Variants in ANKRD11 observed in about 807,000 individuals in gnomAD.
ANKRD11 encodes the protein ankyrin repeat domain 11.
In ANKRD11, 17 loss-of-function variants were observed where a neutral mutation model predicts 195.7. The observed-to-expected ratio is 0.09, with a 90% confidence interval of 0.06 to 0.13. The LOEUF is 0.13. Ranked by LOEUF, ANKRD11 falls within the 10% of genes least tolerant of loss-of-function variation. The pLI is 1.00. For synonymous variants in ANKRD11, 1,953 were observed against 1,528.1 expected, an observed-to-expected ratio of 1.28 and a Z score of -6.49; for missense variants, 3,735 against 3,566.1, an observed-to-expected ratio of 1.05 and a Z score of -1.21.
At chr16:89,361,018 C>A (rs2039706347) in intron 2 of ANKRD11, among the ~76,000 whole-genome samples, 1 of 152,192 alleles carries the variant, frequency 6.6e-6, no homozygotes, top group Admixed American at 6.5e-5. Flanking sequence ...ACACAGTGAA[C>A]GACTCCAAAC....
intron 7 of ANKRD11, chr16:89,287,300 G>A: frequency 5.6e-6 from 2 of 355,754 alleles, no homozygotes; most frequent in South Asian, 2.2e-5. Flanking sequence ...AGCTTTAAGG[G>A]CCCATGGGGC....
intron 1 of ANKRD11, among the ~76,000 whole-genome samples, chr16:89,487,022 A>AG (rs397937176): frequency 7.2e-5 from 11 of 151,912 alleles, no homozygotes; most frequent in Admixed American, 2.0e-4. Flanking sequence ...AAAAAAAAAA[A>AG]GAAAAAAACA....
chr16:89,319,846 T>G (rs149439717), intron 2 of ANKRD11: 1 of 152,414 alleles, frequency 6.6e-6, no homozygotes, highest in African/African-American at 2.4e-5. Context: ...GAGGCTCCAG[T>G]TGCTTTTGTT....
At chr16:89,384,813 C>T (rs2040824495) in intron 2 of ANKRD11, among the ~76,000 whole-genome samples, 2 of 150,384 alleles carry the variant, frequency 1.3e-5, no homozygotes, top group Admixed American at 6.7e-5. Context: ...ACAACAGAAC[C>T]GCTGCAGGTG....
chr16:89,301,166 G>A (rs2035831842), intron 4 of ANKRD11, among the ~76,000 whole-genome samples: 1 of 152,194 alleles, frequency 6.6e-6, no homozygotes, highest in Admixed American at 6.5e-5. Flanking sequence ...GAGGGCAGTG[G>A]CGCAATCACG....
intron 1 of ANKRD11, among the ~76,000 whole-genome samples, chr16:89,473,179 CA>C (rs5818721): frequency 4.6e-4 from 65 of 142,432 alleles, no homozygotes; most frequent in Admixed American, 4.9e-4. Flanking sequence ...GACCCTGCCT[CA>C]AAAAAAAAAA....
At chr16:89,269,646 C>G (rs1459007347) in intron 12 of ANKRD11, among the ~76,000 whole-genome samples, 1 of 150,854 alleles carries the variant, frequency 6.6e-6, no homozygotes, top group Non-Finnish European at 1.5e-5. Context: ...ATTTTGTCCC[C>G]AGGCTGGAGT....
At chr16:89,328,952 C>G (rs535488499) in intron 2 of ANKRD11, 1 of 137,496 alleles carries the variant, frequency 7.3e-6, no homozygotes, top group Non-Finnish European at 1.5e-5. Context: ...CCCAGGAGCA[C>G]GGGCGAAATC....
Position 89,280,820 on chromosome 16 carries a change from G to A in ANKRD11, c.5722C>T (p.Pro1908Ser), listed in dbSNP as rs781644006. ...TCCTCGGAGGTGTCCAGGTCCGGGG[G>A]AAGGGCCCCTTCGAGGGAAGGAACC... ...LLVPSLEGALPPDLDTSEDQQ... is the reference protein window; with the variant it reads ...LLVPSLEGALSPDLDTSEDQQ... Residue 1908 changes from proline (P) to serine (S), a missense_variant, in exon 9 of 13, where the codon CCC becomes TCC. Coordinates refer to ENST00000301030, the MANE Select transcript of ANKRD11 (RefSeq NM_013275.6). The A allele has an allele frequency of 2.5e-6, 4 of 1,602,850 alleles. No individual in the cohort carries two copies. The highest frequency in any genetic ancestry group is 1.3e-5 in the African/African-American group (1 of 74,784).
chr16:89,280,202 G>T lies in ANKRD11; in HGVS notation c.6340C>A (p.Gln2114Lys). 1.2e-6 allele frequency: 2 copies of T among 1,608,484 alleles called. No homozygotes were observed. The highest frequency in any genetic ancestry group is 2.7e-5 in the African/African-American group (2 of 75,018). Residue 2114 changes from glutamine to lysine, a missense_variant, in exon 9 of 13, where the codon CAG becomes AAG. Transcript: ENST00000301030. ...DGSRGLSHLG[Q>K]VEPVPWADAF... ...TCCGCCCAGGGCACCGGCTCCACCT[G>T]GCCGAGGTGAGACAGGCCGCGGCTG...
intron 9 of ANKRD11, chr16:89,277,952 G>A (rs1028659431): frequency 1.3e-5 from 2 of 159,902 alleles, no homozygotes; most frequent in African/African-American, 4.8e-5. Flanking sequence ...CAACGCGTGT[G>A]GAGGGCCCCT....
chr16:89,447,379 C>A (rs923055188), intron 1 of ANKRD11, among the ~76,000 whole-genome samples: 1 of 152,114 alleles, frequency 6.6e-6, no homozygotes, highest in Non-Finnish European at 1.5e-5. Flanking sequence ...AACAAGGGGG[C>A]CTGAGGTGCC....
chr16:89,461,733 G>C (rs1179568692), intron 1 of ANKRD11, among the ~76,000 whole-genome samples: 2 of 152,136 alleles, frequency 1.3e-5, no homozygotes, highest in Non-Finnish European at 2.9e-5. Context: ...TAAATTCTCT[G>C]AACTTCATCT....
chr16:89,300,591 G>A, intron 4 of ANKRD11: 1 of 419,360 alleles, frequency 2.4e-6, no homozygotes, highest in Non-Finnish European at 4.2e-6. Context: ...CTGGCATTCA[G>A]AGTTCCAAGA....
chr16:89,417,863 G>A (rs1181378882), intron 2 of ANKRD11, among the ~76,000 whole-genome samples: 1 of 151,568 alleles, frequency 6.6e-6, no homozygotes, highest in African/African-American at 2.4e-5. Context: ...ATCCTAACGA[G>A]CAGAACAGCT....
intron 1 of ANKRD11, among the ~76,000 whole-genome samples, chr16:89,422,696 C>T (rs528500518): frequency 1.3e-5 from 2 of 152,142 alleles, no homozygotes; most frequent in African/African-American, 2.4e-5. Context: ...AGAATCACAG[C>T]CTCCCTGGGA....
intron 1 of ANKRD11, among the ~76,000 whole-genome samples, chr16:89,446,127 A>G (rs1273177604): frequency 6.6e-6 from 1 of 152,138 alleles, no homozygotes; most frequent in African/African-American, 2.4e-5. Flanking sequence ...ACTGTTTAAA[A>G]AGGACTTCCA....
At chr16:89,405,452 C>T (rs2041867452) in intron 2 of ANKRD11, among the ~76,000 whole-genome samples, 1 of 151,088 alleles carries the variant, frequency 6.6e-6, no homozygotes, top group African/African-American at 2.4e-5. Flanking sequence ...GCTTCCCCAA[C>T]TAGCTGTGAC....
chr16:89,387,401 G>A (rs1422209498), intron 2 of ANKRD11, among the ~76,000 whole-genome samples: 3 of 152,034 alleles, frequency 2.0e-5, no homozygotes, highest in Non-Finnish European at 4.4e-5. Context: ...GGCCGGGCGC[G>A]GTGGCTCACT....
Sources: gnomAD v4.1 joint callset for allele counts (sites outside exome capture counted in the v4.1 genomes callset) on GRCh38, gnomAD v4.1.1 for gene constraint, MANE v1.5 for transcripts, NCBI Gene and HGNC (gene_info 2026-07-23, HGNC 2026-07-21) for gene names.